Variants in AMBRA1 observed in about 807,000 individuals in gnomAD.
The protein encoded by AMBRA1 is autophagy and beclin 1 regulator 1, also known as activating molecule in BECN1-regulated autophagy protein 1.
In AMBRA1, 47 loss-of-function variants were observed where a neutral mutation model predicts 125.4. The observed-to-expected ratio is 0.37, with a 90% CI of 0.30 to 0.48. The LOEUF (loss-of-function observed/expected upper bound fraction) is 0.48. AMBRA1 is among the 20% of genes least tolerant of loss of function. The pLI is 0.99. For missense variants in AMBRA1, 1,331 were observed against 1,693.4 expected, an observed-to-expected ratio of 0.79 and a Z score of 3.76; for synonymous variants, 626 against 655.5, an observed-to-expected ratio of 0.95 and a Z score of 0.69.
In AMBRA1 at chr11:46,512,822, G is replaced by A. The variant is rs766246006; in HGVS notation, c.2073-9C>T. ...AAGATTCCAGCAGCCTCCTAGCAGA[G>A]ATTAAAAAAATGGCAATAATCCCTG... On this transcript the variant is annotated splice_polypyrimidine_tract_variant and intron_variant, in intron 7 of 17. Transcript: ENST00000683756. 2 of 1,602,322 alleles carry A rather than the reference G, an allele frequency of 1.2e-6. No individual in the cohort carries two copies. Among genetic ancestry groups the A allele is most frequent in the Non-Finnish European group, 1.7e-6 (2 of 1,174,516 alleles).
chr11:46,426,003 T>C (rs1284302124), intron 14 of AMBRA1, among the ~76,000 whole-genome samples: 11 of 142,690 alleles, frequency 7.7e-5, no homozygotes, highest in Non-Finnish European at 9.1e-5. Context: ...AAAAATTAGC[T>C]GGGCGTGGTG....
At chr11:46,445,257 G>A (rs192563473) in intron 11 of AMBRA1, among the ~76,000 whole-genome samples, 6 of 152,088 alleles carry the variant, frequency 3.9e-5, no homozygotes, top group Non-Finnish European at 7.4e-5. Context: ...AAAACAAACC[G>A]TTCTAGATAA....
chr11:46,573,295 C>T (rs1247436155), intron 1 of AMBRA1, among the ~76,000 whole-genome samples: 15 of 151,794 alleles, frequency 9.9e-5, no homozygotes, highest in Non-Finnish European at 1.6e-4. Context: ...ATCCCAGCTA[C>T]TCAGGAGGCT....
rs1263477760 is a variant in AMBRA1, at chr11:46,543,505, T to C, written c.619-107A>G. The C allele has an allele frequency of 2.8e-6, 4 of 1,418,082 alleles. No homozygotes were observed. In the East Asian group the frequency reaches 9.3e-5, roughly 33 times the overall value. The allele number at this position is 1,418,082 out of a possible 1,614,324, so 87.8% of individuals were successfully genotyped here. A position where few individuals can be genotyped will look rare whatever the true frequency, so the allele number is the denominator to read the frequency against. On this transcript the variant is annotated intron_variant, in intron 6 of 17. Coordinates refer to ENST00000683756, the MANE Select transcript of AMBRA1 (RefSeq NM_001387011.1). Reference sequence around the variant, plus strand: ...ACTGACAATCATCCAAGGAAAACAATGTTCATAGGTAGGAAACAACTCTCT... The same window carrying C: ...ACTGACAATCATCCAAGGAAAACAACGTTCATAGGTAGGAAACAACTCTCT...
At chr11:46,513,171 T>C (rs35266625) in intron 7 of AMBRA1, among the ~76,000 whole-genome samples, 253 of 152,186 alleles carry the variant, frequency 1.7e-3, no homozygotes, top group Non-Finnish European at 3.0e-3. Context: ...GATTATCACA[T>C]AGTGCTAACA....
chr11:46,580,601 T>C (rs891614740), intron 1 of AMBRA1, among the ~76,000 whole-genome samples: 1 of 152,226 alleles, frequency 6.6e-6, no homozygotes, highest in Non-Finnish European at 1.5e-5. Flanking sequence ...ATCCAATCCA[T>C]TAAGTCTTGC....
Position 46,429,068 on chromosome 11 carries a change from T to G in AMBRA1, c.2976+4406A>C, listed in dbSNP as rs894746060. 3.7e-6 allele frequency: 6 copies of G among 1,610,358 alleles called. No individual in the cohort carries two copies. In the African/African-American group the frequency reaches 5.3e-5, roughly 14 times the overall value. On this transcript the variant is annotated intron_variant, in intron 14 of 17. Coordinates refer to ENST00000683756, the MANE Select transcript of AMBRA1 (RefSeq NM_001387011.1). Reference sequence around the variant, plus strand: ...TGCCAGCTCCGGGTGCTTAGGCATGTGGACATCCTTCTTGGCCACCATGAC... The same window carrying G: ...TGCCAGCTCCGGGTGCTTAGGCATGGGGACATCCTTCTTGGCCACCATGAC...
chr11:46,582,927 C>T (rs1220019214), intron 1 of AMBRA1, among the ~76,000 whole-genome samples: 1 of 149,626 alleles, frequency 6.7e-6, no homozygotes, highest in Non-Finnish European at 1.5e-5. Flanking sequence ...AGGGATATTT[C>T]ATAACTCAAA....
At chr11:46,506,718 G>C (rs192437377) in intron 9 of AMBRA1, among the ~76,000 whole-genome samples, 97 of 152,256 alleles carry the variant, frequency 6.4e-4, no homozygotes, top group African/African-American at 2.3e-3. Context: ...TTGCTTTTAT[G>C]TTTGACAATA....
At chr11:46,556,915 T>A (rs1436906930) in intron 1 of AMBRA1, among the ~76,000 whole-genome samples, 5 of 152,098 alleles carry the variant, frequency 3.3e-5, no homozygotes, top group Non-Finnish European at 7.4e-5. Flanking sequence ...GGCGGGTGGA[T>A]CACCTGAGGT....
At chr11:46,461,414 G>T (rs192557837) in intron 11 of AMBRA1, among the ~76,000 whole-genome samples, 177 of 152,266 alleles carry the variant, frequency 1.2e-3, no homozygotes, top group Non-Finnish European at 2.0e-3. Context: ...GCATATGTTT[G>T]CAAGTATTTT....
intron 9 of AMBRA1, among the ~76,000 whole-genome samples, chr11:46,499,311 T>C (rs995932324): frequency 7.2e-5 from 11 of 152,218 alleles, no homozygotes; most frequent in African/African-American, 2.7e-4. Flanking sequence ...AATTCTTTCC[T>C]GCTGTATTTT....
At chr11:46,410,842 C>T (rs955881217) in intron 15 of AMBRA1, among the ~76,000 whole-genome samples, 18 of 152,214 alleles carry the variant, frequency 1.2e-4, no homozygotes, top group African/African-American at 4.1e-4. Flanking sequence ...GTGGCTCACG[C>T]CTGTAATCCC....
intron 17 of AMBRA1, among the ~76,000 whole-genome samples, chr11:46,405,692 C>T (rs1465158775): frequency 3.9e-5 from 6 of 152,050 alleles, no homozygotes; most frequent in African/African-American, 1.2e-4. Context: ...TGCCACTGTA[C>T]TCCAGCCTGA....
chr11:46,424,464 T>C (rs1358229308), intron 14 of AMBRA1, among the ~76,000 whole-genome samples: 6 of 152,174 alleles, frequency 3.9e-5, no homozygotes, highest in Non-Finnish European at 8.8e-5. Flanking sequence ...CCCTGGCCAT[T>C]AGGATCAAAG....
intron 11 of AMBRA1, among the ~76,000 whole-genome samples, chr11:46,491,774 C>T (rs1950473593): frequency 6.6e-6 from 1 of 152,192 alleles, no homozygotes; most frequent in African/African-American, 2.4e-5. Flanking sequence ...CCCACTGCAA[C>T]ACAGCCCCTA....
At chr11:46,568,515 G>A (rs1237573174) in intron 1 of AMBRA1, among the ~76,000 whole-genome samples, 1 of 151,912 alleles carries the variant, frequency 6.6e-6, no homozygotes, top group African/African-American at 2.4e-5. Context: ...GCTCATGCCT[G>A]TAATCCCACC....
intron 2 of AMBRA1, among the ~76,000 whole-genome samples, 179 bp from the exon 3 acceptor site, chr11:46,548,054 T>C (rs1402401315): frequency 6.6e-6 from 1 of 152,164 alleles, no homozygotes; most frequent in Non-Finnish European, 1.5e-5. Context: ...AGGAAAACTG[T>C]CTAGCTCTAA....
chr11:46,408,944 C>T (rs1197350719), intron 16 of AMBRA1, among the ~76,000 whole-genome samples: 2 of 152,250 alleles, frequency 1.3e-5, no homozygotes, highest in South Asian at 2.1e-4. Flanking sequence ...AATCTTGCAA[C>T]CCTGGCTCAC....
Sources: allele counts gnomAD v4.1 joint callset (sites outside exome capture counted in the v4.1 genomes callset), GRCh38; gene constraint gnomAD v4.1.1; transcripts MANE v1.5; gene names NCBI Gene and HGNC (gene_info 2026-07-23, HGNC 2026-07-21).